FARP1: variants seen among roughly 807,000 people sequenced by gnomAD.
FARP1 encodes the protein FERM, ARHGEF and pleckstrin domain-containing protein 1.
Under a neutral mutation model 128.8 loss-of-function variants are expected in FARP1, and 52 were observed. The ratio of observed to expected loss-of-function variants is 0.40; its 90% CI spans 0.32 to 0.51. FARP1 has a LOEUF of 0.51. Among genes scored for constraint, FARP1 ranks in the 20% least tolerant of loss-of-function variants. The pLI is 0.45. For missense variants in FARP1, 1,333 were observed against 1,367.9 expected (o/e 0.97, Z 0.40); for synonymous variants, 580 against 551.8 (o/e 1.05, Z -0.72).
chr13:98,314,478 C>T (rs631504), intron 2 of FARP1, among the ~76,000 whole-genome samples: 55,316 of 151,414 alleles, frequency 0.37, 10,727 homozygotes, highest in Non-Finnish European at 0.43. Context: ...CAGGGTTTCA[C>T]CATGTTGGCC....
intron 2 of FARP1, among the ~76,000 whole-genome samples, chr13:98,320,961 A>G (rs1886967517): frequency 6.6e-6 from 1 of 152,126 alleles, no homozygotes; most frequent in African/African-American, 2.4e-5. Flanking sequence ...CCAGTTTGAG[A>G]AGGTGCAGGT....
intron 2 of FARP1, among the ~76,000 whole-genome samples, chr13:98,322,293 C>T (rs141842721): frequency 0.011 from 1,701 of 152,170 alleles, 12 homozygotes; most frequent in Non-Finnish European, 0.017. Context: ...AGTGAAACTC[C>T]GTCTCAAAAA....
intron 1 of FARP1, among the ~76,000 whole-genome samples, chr13:98,184,790 T>C (rs1488026814): frequency 1.2e-4 from 19 of 152,220 alleles, no homozygotes; most frequent in Admixed American, 1.0e-3. Flanking sequence ...TCTACTCTCT[T>C]TTGTGGATTA....
At chr13:98,330,458 A>G (rs1887454413) in intron 2 of FARP1, among the ~76,000 whole-genome samples, 2 of 152,226 alleles carry the variant, frequency 1.3e-5, no homozygotes, top group South Asian at 4.2e-4. Flanking sequence ...ATTCAAGGAA[A>G]TTGTCAGAAA....
intron 2 of FARP1, among the ~76,000 whole-genome samples, chr13:98,231,524 G>A (rs555656604): frequency 1.3e-5 from 2 of 152,148 alleles, no homozygotes; most frequent in African/African-American, 4.8e-5. Flanking sequence ...TGCAACCTCC[G>A]CCTTCTGGGA....
chr13:98,249,216 T>C (rs1883211889), intron 2 of FARP1, among the ~76,000 whole-genome samples: 2 of 152,166 alleles, frequency 1.3e-5, no homozygotes, highest in African/African-American at 4.8e-5. Flanking sequence ...TGAGCACCCA[T>C]GGGTGCTCAT....
chr13:98,144,216 G>A (rs1365737620), intron 1 of FARP1, among the ~76,000 whole-genome samples: 1 of 151,572 alleles, frequency 6.6e-6, no homozygotes, highest in East Asian at 1.9e-4. Flanking sequence ...GTGTGTGTGT[G>A]TGTGTGTGTG....
At chr13:98,170,761 G>C (rs949519614) in intron 1 of FARP1, among the ~76,000 whole-genome samples, 8 of 152,142 alleles carry the variant, frequency 5.3e-5, no homozygotes, top group Non-Finnish European at 8.8e-5. Flanking sequence ...CAAAGTGCTG[G>C]AATTACAGGT....
In FARP1 at chr13:98,300,921, A is replaced by G. The variant is rs1594374937; in HGVS notation, c.172-42841A>G. Reference sequence around the variant, plus strand: ...CTCCATTAATGCATCCCAAATGACAAAGCCCCTGCCTGGATGATCTCTCAG... The same window carrying G: ...CTCCATTAATGCATCCCAAATGACAGAGCCCCTGCCTGGATGATCTCTCAG... On this transcript the variant is annotated intron_variant, in intron 2 of 26. Coordinates refer to ENST00000319562, the MANE Select transcript of FARP1 (RefSeq NM_005766.4). 1.3e-5 allele frequency among the ~76,000 whole-genome samples: 2 copies of G among 152,086 alleles called. 1 individual carries two copies. The highest frequency in any genetic ancestry group is 4.8e-5 in the African/African-American group (2 of 41,402).
rs572399021 is a variant in FARP1 at position 98,306,387 on chromosome 13, A to G, written c.172-37375A>G. Among the ~76,000 whole-genome samples the G allele has an allele frequency of 1.3e-4, 20 of 152,326 alleles. No homozygotes were observed. In the East Asian group the frequency reaches 3.7e-3, roughly 28 times the overall value. On this transcript the variant is annotated intron_variant, in intron 2 of 26. Transcript: ENST00000319562. ...CATGCCCCTGTGCTAGACACTTTAC[A>G]TGTTCCATTTTGTAGGAAAGAAAAC...
chr13:98,284,145 T>C (rs1208746171), intron 2 of FARP1, among the ~76,000 whole-genome samples: 2 of 152,194 alleles, frequency 1.3e-5, no homozygotes, highest in Non-Finnish European at 2.9e-5. Flanking sequence ...AACACAAGTT[T>C]GTAAGTGTTC....
Position 98,438,888 on chromosome 13 carries a change from G to A in FARP1, c.2343+16G>A, listed in dbSNP as rs370302204. ...GTTCTTCCTGGTGAGTGGAGAGAGC[G>A]GCTTGTCCTCACAAGGATTGTGTCA... On this transcript the variant is annotated intron_variant, in intron 20 of 26. Coordinates refer to ENST00000319562, the MANE Select transcript of FARP1 (RefSeq NM_005766.4). 1.4e-5 allele frequency: 22 copies of A among 1,612,576 alleles called. No homozygotes were observed. The highest frequency in any genetic ancestry group is 1.7e-4 in the Middle Eastern group (1 of 5,936).
intron 16 of FARP1, among the ~76,000 whole-genome samples, chr13:98,417,486 A>AAAAAAAAAAAC (rs1891431416): frequency 7.3e-6 from 1 of 137,508 alleles, no homozygotes; most frequent in African/African-American, 2.7e-5. Flanking sequence ...AAAAAAAAAG[A>AAAAAAAAAAAC]ACACATGGGG....
At position 98,222,772 on chromosome 13, in the gene FARP1, C is replaced by T. The variant is rs186512738; in HGVS notation, c.171+9359C>T. Among the ~76,000 whole-genome samples the T allele has an allele frequency of 4.9e-3, 727 of 149,622 alleles. 7 individuals carry two copies. Among genetic ancestry groups the T allele is most frequent in the African/African-American group, 0.017 (689 of 40,664 alleles). Reference sequence around the variant, plus strand: ...CAGTAGGTAGGACTAGGACTGCAGGCGTGCACCACCATGCCCAGCTAATTT... The same window carrying T: ...CAGTAGGTAGGACTAGGACTGCAGGTGTGCACCACCATGCCCAGCTAATTT... On this transcript the variant is annotated intron_variant, in intron 2 of 26. Transcript: ENST00000319562.
At chr13:98,233,886 C>T (rs532403622) in intron 2 of FARP1, 9 of 152,294 alleles carry the variant, frequency 5.9e-5, no homozygotes, top group South Asian at 2.1e-4. Flanking sequence ...GGGTCCATTC[C>T]GCAAGGACTC....
At chr13:98,151,102 C>T (rs1216539489) in intron 1 of FARP1, among the ~76,000 whole-genome samples, 1 of 149,488 alleles carries the variant, frequency 6.7e-6, no homozygotes, top group African/African-American at 2.4e-5. Flanking sequence ...AATCTCTTAG[C>T]GTCCCACTCT....
chr13:98,216,063 A>G (rs1881044594), intron 2 of FARP1, among the ~76,000 whole-genome samples: 1 of 152,150 alleles, frequency 6.6e-6, no homozygotes, highest in Non-Finnish European at 1.5e-5. Context: ...TGCTGGGATT[A>G]CAGGTGGGAG....
rs192585129 is a variant in FARP1, at chr13:98,213,809, G to A, written c.171+396G>A. Among the ~76,000 whole-genome samples the A allele has an allele frequency of 1.2e-3, 188 of 152,240 alleles. 2 individuals are homozygous for A. Among genetic ancestry groups the A allele is most frequent in the African/African-American group, 4.3e-3 (179 of 41,546 alleles). On this transcript the variant is annotated intron_variant, in intron 2 of 26. Coordinates refer to ENST00000319562, the MANE Select transcript of FARP1 (RefSeq NM_005766.4). Reference sequence around the variant, plus strand: ...TCCTCTCTCACATTGGTGCTTGTGCGTGTGTGTTTGTGGCAGGGGGGCTGT... The same window carrying A: ...TCCTCTCTCACATTGGTGCTTGTGCATGTGTGTTTGTGGCAGGGGGGCTGT...
chr13:98,390,042 C>T lies in FARP1; in HGVS notation c.941C>T (p.Ala314Val), dbSNP rs766746943. Reference protein sequence around the residue: ...SFWKICVEHHAFFRLFEEPKP... With the variant: ...SFWKICVEHHVFFRLFEEPKP... Reference sequence around the variant, plus strand: ...TGGAAAATCTGTGTTGAACATCATGCCTTCTTTAGACTTTTTGAAGAGCCC... The same window carrying T: ...TGGAAAATCTGTGTTGAACATCATGTCTTCTTTAGACTTTTTGAAGAGCCC... Residue 314 changes from alanine to valine, a missense_variant, in exon 10 of 27, where the codon GCC becomes GTC. Physicochemically the swap from Ala to Val is moderately conservative, Grantham distance 64. Coordinates refer to ENST00000319562, the MANE Select transcript of FARP1 (RefSeq NM_005766.4). 1.9e-6 allele frequency: 3 copies of T among 1,614,158 alleles called. No individual in the cohort carries two copies. The highest frequency in any genetic ancestry group is 8.5e-7 in the Non-Finnish European group (1 of 1,179,998).
Sources: allele counts gnomAD v4.1 joint callset (sites outside exome capture counted in the v4.1 genomes callset), GRCh38; gene constraint gnomAD v4.1.1; transcripts MANE v1.5; gene names NCBI Gene and HGNC (gene_info 2026-07-23, HGNC 2026-07-21).